DARS2: variants seen among roughly 807,000 people sequenced by gnomAD.
DARS2 encodes aspartyl-tRNA synthetase 2, mitochondrial.
Under a neutral mutation model 83.0 loss-of-function variants are expected in DARS2, and 63 were observed. That is an observed-to-expected ratio of 0.76 (90% CI 0.62 to 0.94). The LOEUF (loss-of-function observed/expected upper bound fraction) is 0.94. Ranked by LOEUF, DARS2 falls within the 40% of genes least tolerant of loss-of-function variation. The pLI, the probability that DARS2 is intolerant of heterozygous loss-of-function variation, is 0.00. For synonymous variants in DARS2, 250 were observed against 269.3 expected, an observed-to-expected ratio of 0.93 and a Z score of 0.70; for missense variants, 675 against 774.4, an observed-to-expected ratio of 0.87 and a Z score of 1.52.
intron 12 of DARS2, among the ~76,000 whole-genome samples, chr1:173,848,013 C>T (rs1418385226): frequency 1.3e-5 from 2 of 151,980 alleles, no homozygotes; most frequent in African/African-American, 4.8e-5. Context: ...CGACCACGCC[C>T]GGCTAATTTT....
intron 7 of DARS2, 99 bp downstream of exon 7, chr1:173,834,618 G>A: frequency 1.2e-6 from 1 of 849,936 alleles, no homozygotes; most frequent in South Asian, 1.6e-5. Context: ...TTTATTTACT[G>A]CCTCAGGATG....
In DARS2 at chr1:173,834,492, C is replaced by T. The variant is rs1652903436; in HGVS notation, c.636C>T (p.Thr212=). 6.2e-7 allele frequency: 1 copy of T among 1,607,076 alleles called. No individual in the cohort carries two copies. The highest frequency in any genetic ancestry group is 8.5e-7 in the Non-Finnish European group (1 of 1,174,104). The change falls in exon 7 of 17, where the codon ACC becomes ACT. Residue 212 remains threonine (T), a synonymous_variant. Coordinates refer to ENST00000649689, the MANE Select transcript of DARS2 (RefSeq NM_018122.5). ...TTTTAGGGTTTGTGGATATAGAAAC[C>T]CCCACATTGTTTAAGAGGACCCCAG... ...CNLHGFVDIE[T]PTLFKRTPGG... is the part of the protein sequence containing the mutation.
At chr1:173,854,193 T>G (rs1653781881) in intron 15 of DARS2, among the ~76,000 whole-genome samples, 1 of 152,098 alleles carries the variant, frequency 6.6e-6, no homozygotes, top group African/African-American at 2.4e-5. Context: ...CTCACACTGC[T>G]CTCAAACTCC....
rs1653930387 is a variant in DARS2, at chr1:173,858,419, A to C, written c.*714A>C. The C allele has an allele frequency of 6.6e-6, 1 of 152,334 alleles. No individual in the cohort carries two copies. The highest frequency in any genetic ancestry group is 1.5e-5 in the Non-Finnish European group (1 of 68,168). The allele number at this position is 152,334 out of a possible 1,614,324, so 9.4% of individuals were successfully genotyped here. The stretch of plus-strand genomic sequence containing the variant: ...AAAGTGAATAAAAGTACTTTGAAAA[A>C]CTATAAAGCATTCCACAAATATGAG... On this transcript the variant is annotated 3_prime_UTR_variant, in exon 17 of 17. Coordinates refer to ENST00000649689, the MANE Select transcript of DARS2 (RefSeq NM_018122.5).
At chr1:173,852,369 TG>T (rs1653705488) in intron 13 of DARS2, 2 of 550,528 alleles carry the variant, frequency 3.6e-6, no homozygotes, top group Non-Finnish European at 4.6e-6. Context: ...GTTCTGATAC[TG>T]TTGCTATTTT....
intron 3 of DARS2, among the ~76,000 whole-genome samples, chr1:173,829,475 A>AT (rs1652713349): frequency 6.6e-6 from 1 of 152,206 alleles, no homozygotes; most frequent in Admixed American, 6.5e-5. Flanking sequence ...TGAAAAAAAA[A>AT]TTTTTTTAAT....
chr1:173,834,770 G>GT (rs1652935088), intron 7 of DARS2, among the ~76,000 whole-genome samples: 321 of 31,080 alleles, frequency 0.01, 1 homozygote, highest in Middle Eastern at 0.022. Context: ...TTTGTTTTGG[G>GT]TTTTTTTTTT....
chr1:173,848,695 G>A (rs1056261672), intron 12 of DARS2, among the ~76,000 whole-genome samples: 1 of 152,058 alleles, frequency 6.6e-6, no homozygotes, highest in African/African-American at 2.4e-5. Context: ...TTTTCTCATT[G>A]GAAGCTTTTT....
intron 12 of DARS2, among the ~76,000 whole-genome samples, chr1:173,845,851 A>G (rs1653414748): frequency 6.6e-6 from 1 of 151,990 alleles, no homozygotes. Context: ...GCGAAACCCC[A>G]TCTCTACTAA....
chr1:173,825,415 G>T, intron 1 of DARS2, 59 bp downstream of exon 1: 2 of 1,541,974 alleles, frequency 1.3e-6, no homozygotes, highest in Non-Finnish European at 8.8e-7. Context: ...ATCTACGGCC[G>T]GAGAGCTTTT....
chr1:173,857,906 T>A lies in DARS2; in HGVS notation c.*201T>A. On this transcript the variant is annotated 3_prime_UTR_variant, in exon 17 of 17. Coordinates refer to ENST00000649689, the MANE Select transcript of DARS2 (RefSeq NM_018122.5). ...ACTTGATTTCATGCATCATTTGGATTTTTTTTGGTTAGGACTTTTTTTGAA... is the reference window on the plus strand; with the variant it reads ...ACTTGATTTCATGCATCATTTGGATATTTTTTGGTTAGGACTTTTTTTGAA... 1.6e-6 allele frequency: 1 copy of A among 622,658 alleles called. No individual in the cohort carries two copies. Among genetic ancestry groups the A allele is most frequent in the Non-Finnish European group, 2.8e-6 (1 of 361,610 alleles). The allele number at this position is 622,658 out of a possible 1,614,324, so 38.6% of individuals were successfully genotyped here. A position where few individuals can be genotyped will look rare whatever the true frequency, so the allele number is the denominator to read the frequency against.
In DARS2 at chr1:173,853,438, C is replaced by A. The variant is rs1358014329; in HGVS notation, c.1434C>A (p.Phe478Leu). ...VVLRDPTLFS[F>L]LWVVDFPLFL... ...TCCGTGACCCCACTCTGTTCTCTTT[C>A]CTTTGGGTGGTAGATTTCCCACTCT... The change falls in exon 14 of 17, where the codon TTC becomes TTA. Residue 478 changes from phenylalanine (F) to leucine (L), a missense_variant. Physicochemically the swap from Phe to Leu is conservative, Grantham distance 22 (BLOSUM62 0). Transcript: ENST00000649689. 1.2e-6 allele frequency: 2 copies of A among 1,613,952 alleles called. No individual in the cohort carries two copies. The highest frequency in any genetic ancestry group is 2.7e-5 in the African/African-American group (2 of 74,876).
At chr1:173,851,789 TTC>T in intron 13 of DARS2, 7 of 974,316 alleles carry the variant, frequency 7.2e-6, no homozygotes, top group Non-Finnish European at 8.5e-6. Context: ...CTTCATCAAG[TTC>T]TTTCTTCTAA....
At chr1:173,834,724 GTTTTTTTGTTTTTTTTTTTT>G (rs1351878054) in intron 7 of DARS2, among the ~76,000 whole-genome samples, 66 of 14,810 alleles carry the variant, frequency 4.5e-3, no homozygotes, top group Admixed American at 0.012. Context: ...TTTCCTTTGA[GTTTTTTTGTTTTTTTTTTTT>G]TTTTTTTTTT....
At chr1:173,837,154 A>G in intron 8 of DARS2, 108 bp downstream of exon 8, 1 of 1,042,806 alleles carries the variant, frequency 9.6e-7, no homozygotes, top group East Asian at 2.4e-5. Context: ...TAGAAAATTT[A>G]TGAGAGTTTG....
At chr1:173,854,311 T>C (rs973133956) in intron 15 of DARS2, among the ~76,000 whole-genome samples, 4 of 152,300 alleles carry the variant, frequency 2.6e-5, no homozygotes, top group African/African-American at 9.6e-5. Flanking sequence ...TTTGTTATGA[T>C]TGGAGGATTC....
At chr1:173,849,708 G>T (rs1653573530) in intron 12 of DARS2, among the ~76,000 whole-genome samples, 1 of 151,982 alleles carries the variant, frequency 6.6e-6, no homozygotes, top group African/African-American at 2.4e-5. Flanking sequence ...TGCCTCCATT[G>T]TTCTTTATGC....
intron 4 of DARS2, among the ~76,000 whole-genome samples, chr1:173,831,062 G>T (rs1428216132): frequency 6.6e-6 from 1 of 152,018 alleles, no homozygotes; most frequent in Non-Finnish European, 1.5e-5. Flanking sequence ...GACTACAGGT[G>T]CATGCCACCA....
intron 13 of DARS2, among the ~76,000 whole-genome samples, chr1:173,852,990 T>C (rs945985799): frequency 6.6e-6 from 1 of 152,200 alleles, no homozygotes; most frequent in African/African-American, 2.4e-5. Flanking sequence ...TATCTTAAGC[T>C]TCACAGCAGT....
Sources: gnomAD v4.1 joint callset for allele counts (sites outside exome capture counted in the v4.1 genomes callset) on GRCh38, gnomAD v4.1.1 for gene constraint, MANE v1.5 for transcripts, NCBI Gene and HGNC (gene_info 2026-07-23, HGNC 2026-07-21) for gene names.